DHRS7B: variants seen among roughly 807,000 people sequenced by gnomAD.
The protein encoded by DHRS7B is dehydrogenase/reductase 7B, also known as peroxisomal reductase activating PPAR-gamma.
DHRS7B carries 24 observed loss-of-function variants against 26.4 expected under a neutral mutation model. The observed-to-expected ratio is 0.91, with a 90% CI of 0.66 to 1.28. DHRS7B has a LOEUF of 1.28. Among genes scored for constraint, DHRS7B ranks in the 50% most tolerant of loss-of-function variants. The probability of loss-of-function intolerance (pLI) is 0.00; values close to 1 mark genes in which losing one functional copy is unlikely to be tolerated. For missense variants in DHRS7B, 368 were observed against 419.4 expected (o/e 0.88, Z 1.07); for synonymous variants, 142 against 166.4 (o/e 0.85, Z 1.13).
intron 1 of DHRS7B, chr17:21,127,413 C>G (rs1973124382): frequency 5.5e-6 from 1 of 182,708 alleles, no homozygotes; most frequent in Admixed American, 6.3e-5. Flanking sequence ...GGGCCAGTGG[C>G]ACCTTAGCCA....
chr17:21,180,358 C>T (rs903950208), intron 3 of DHRS7B, among the ~76,000 whole-genome samples: 1 of 152,154 alleles, frequency 6.6e-6, no homozygotes, highest in Non-Finnish European at 1.5e-5. Flanking sequence ...CAGGTGTTAG[C>T]CACCACGCCT....
At chr17:21,172,625 G>A (rs935511440) in intron 2 of DHRS7B, among the ~76,000 whole-genome samples, 1 of 152,154 alleles carries the variant, frequency 6.6e-6, no homozygotes, top group Non-Finnish European at 1.5e-5. Flanking sequence ...AGATTCAGCC[G>A]GGGCCTCTGG....
chr17:21,129,420 G>C (rs987314149), intron 1 of DHRS7B, among the ~76,000 whole-genome samples: 4 of 152,102 alleles, frequency 2.6e-5, no homozygotes, highest in Non-Finnish European at 5.9e-5. Flanking sequence ...AAAGACCCCT[G>C]TGAGGCTGTA....
At chr17:21,182,991 A>C (rs1258264942) in intron 3 of DHRS7B, among the ~76,000 whole-genome samples, 2 of 152,206 alleles carry the variant, frequency 1.3e-5, no homozygotes, top group Non-Finnish European at 2.9e-5. Flanking sequence ...GTTTGGCAGA[A>C]TTCACCAGTG....
chr17:21,133,331 C>T (rs569592586), intron 1 of DHRS7B, among the ~76,000 whole-genome samples: 1 of 152,148 alleles, frequency 6.6e-6, no homozygotes, highest in Admixed American at 6.6e-5. Context: ...TGATTTTATA[C>T]ATTTTAGGGA....
At chr17:21,156,000 T>A (rs886612788) in intron 1 of DHRS7B, among the ~76,000 whole-genome samples, 1 of 152,080 alleles carries the variant, frequency 6.6e-6, no homozygotes, top group African/African-American at 2.4e-5. Context: ...AATGTATGTA[T>A]TAGAAAAGAA....
At chr17:21,182,605 C>G (rs1288888475) in intron 3 of DHRS7B, among the ~76,000 whole-genome samples, 1 of 152,046 alleles carries the variant, frequency 6.6e-6, no homozygotes, top group Non-Finnish European at 1.5e-5. Flanking sequence ...CCAGGCTGGC[C>G]TCGAACTCCT....
At chr17:21,141,640 A>AAAAACAAAAAAG in intron 1 of DHRS7B, among the ~76,000 whole-genome samples, 1 of 90,076 alleles carries the variant, frequency 1.1e-5, no homozygotes, top group Non-Finnish European at 2.1e-5. Context: ...AAAAAAAAAA[A>AAAAACAAAAAAG]CAACCTCATC....
intron 1 of DHRS7B, among the ~76,000 whole-genome samples, chr17:21,170,284 C>G (rs376697989): frequency 6.6e-6 from 1 of 152,340 alleles, no homozygotes; most frequent in East Asian, 1.9e-4. Context: ...GCACAGGCCT[C>G]GGTGCCTACT....
intron 2 of DHRS7B, among the ~76,000 whole-genome samples, chr17:21,172,975 C>T (rs950365198): frequency 6.6e-6 from 1 of 152,234 alleles, no homozygotes; most frequent in Non-Finnish European, 1.5e-5. Context: ...GCCATCCACG[C>T]TTACTCTGAG....
At chr17:21,157,647 T>C (rs918375106) in intron 1 of DHRS7B, among the ~76,000 whole-genome samples, 5 of 152,184 alleles carry the variant, frequency 3.3e-5, no homozygotes, top group Admixed American at 6.5e-5. Flanking sequence ...TGAGTTGTGA[T>C]CATACCACTG....
chr17:21,157,110 G>T (rs561059247), intron 1 of DHRS7B, among the ~76,000 whole-genome samples: 1 of 152,158 alleles, frequency 6.6e-6, no homozygotes, highest in South Asian at 2.1e-4. Context: ...AGCCCAGATA[G>T]ATTCACTGAT....
At chr17:21,149,655 T>C (rs1973718037) in intron 1 of DHRS7B, among the ~76,000 whole-genome samples, 2 of 152,158 alleles carry the variant, frequency 1.3e-5, no homozygotes, top group African/African-American at 4.8e-5. Flanking sequence ...TTTTTAAACA[T>C]ATTTTTCTTT....
chr17:21,172,241 C>T, intron 2 of DHRS7B, 45 bp downstream of exon 2: 1 of 1,572,536 alleles, frequency 6.4e-7, no homozygotes. Flanking sequence ...GGTAAGTCAG[C>T]CAGGGATGAG....
In DHRS7B at chr17:21,183,824, G is replaced by A. The variant is rs773649669; in HGVS notation, c.526+14G>A. On this transcript the variant is annotated intron_variant, in intron 4 of 6. Transcript: ENST00000395511. ...CTCTAACGAAAGGTAACAGTCTTGA[G>A]AAAAGAGCAGTGATAAGTGATATGT... The A allele has an allele frequency of 4.4e-6, 7 of 1,606,938 alleles. No individual in the cohort carries two copies. The South Asian group carries it at 7.7e-5, about 18-fold the overall frequency.
chr17:21,160,612 C>CA, intron 1 of DHRS7B, among the ~76,000 whole-genome samples: 1 of 152,288 alleles, frequency 6.6e-6, no homozygotes, highest in African/African-American at 2.4e-5. Flanking sequence ...AACTCTTATT[C>CA]ATTCCTAGTG....
intron 2 of DHRS7B, among the ~76,000 whole-genome samples, chr17:21,177,018 C>T (rs1974394371): frequency 6.6e-6 from 1 of 152,108 alleles, no homozygotes; most frequent in Non-Finnish European, 1.5e-5. Flanking sequence ...TTTCTGACTC[C>T]TCATAGAGTA....
chr17:21,155,922 A>G (rs923305269), intron 1 of DHRS7B, among the ~76,000 whole-genome samples: 2 of 152,204 alleles, frequency 1.3e-5, no homozygotes, highest in African/African-American at 4.8e-5. Flanking sequence ...AAGTAAAAGA[A>G]AATGAAAACC....
At chr17:21,134,314 C>T (rs1228224978) in intron 1 of DHRS7B, among the ~76,000 whole-genome samples, 1 of 152,056 alleles carries the variant, frequency 6.6e-6, no homozygotes, top group Non-Finnish European at 1.5e-5. Flanking sequence ...TTTTAAATTG[C>T]TTTGATGGAA....
Sources: gnomAD v4.1 joint callset for allele counts (sites outside exome capture counted in the v4.1 genomes callset) on GRCh38, gnomAD v4.1.1 for gene constraint, MANE v1.5 for transcripts, NCBI Gene and HGNC (gene_info 2026-07-23, HGNC 2026-07-21) for gene names.